The following UBAC2 variants were observed in gnomAD, a reference collection of about 807,000 sequenced individuals.
UBAC2 encodes ubiquitin-associated domain-containing protein 2.
In UBAC2, 26 loss-of-function variants were observed where a neutral mutation model predicts 44.0. The observed-to-expected ratio is 0.59, with a 90% CI of 0.43 to 0.82. UBAC2 has a LOEUF of 0.82. Ranked by LOEUF, UBAC2 falls within the 40% of genes least tolerant of loss-of-function variation. UBAC2 has a pLI of 0.00. For missense variants in UBAC2, 329 were observed against 419.4 expected (o/e 0.78, Z 1.88); for synonymous variants, 155 against 154.3 (o/e 1.00, Z -0.04).
chr13:99,311,194 A>G (rs946584310), intron 4 of UBAC2, among the ~76,000 whole-genome samples: 6 of 152,310 alleles, frequency 3.9e-5, no homozygotes, highest in African/African-American at 1.4e-4. Context: ...CTTCCATTCT[A>G]CTTTTAAGAT....
Position 99,295,642 on chromosome 13 carries a change from G to A in UBAC2, c.390-18455G>A, listed in dbSNP as rs763839031. 4 of 1,614,164 alleles carry A rather than the reference G, an allele frequency of 2.5e-6. No homozygotes were observed. In the Admixed American group the frequency reaches 5.0e-5, roughly 20 times the overall value. ...CAGCCTCCTGCTTTGACATAGGGTT[G>A]ATGAGGAGTGGGAGTGTCTGAGCAA... On this transcript the variant is annotated intron_variant, in intron 4 of 8. Coordinates refer to ENST00000403766, the MANE Select transcript of UBAC2 (RefSeq NM_001144072.2). The surrounding 1 kb of genome is among the most constrained non-coding windows in gnomAD (Gnocchi z 4.1).
At chr13:99,352,545 A>G (rs150683288) in intron 7 of UBAC2, among the ~76,000 whole-genome samples, 7 of 152,270 alleles carry the variant, frequency 4.6e-5, no homozygotes, top group African/African-American at 1.7e-4. Context: ...TGCCTAGTAG[A>G]GCTTTATGTG....
intron 7 of UBAC2, among the ~76,000 whole-genome samples, chr13:99,352,043 A>G (rs139085787): frequency 6.6e-6 from 1 of 152,180 alleles, no homozygotes; most frequent in Admixed American, 6.5e-5. Flanking sequence ...TCCCCCAGCA[A>G]CAGCCATTTG....
chr13:99,348,949 G>A (rs1450253851), intron 7 of UBAC2, among the ~76,000 whole-genome samples: 3 of 152,200 alleles, frequency 2.0e-5, no homozygotes, highest in Admixed American at 2.0e-4. Context: ...GGAGGTCAAG[G>A]TGCAATCACG....
chr13:99,201,666 C>A, intron 1 of UBAC2: 1 of 1,062,104 alleles, frequency 9.4e-7, no homozygotes, highest in Non-Finnish European at 1.4e-6. Flanking sequence ...AACAGTTAGG[C>A]ACGGGTACAG....
intron 4 of UBAC2, among the ~76,000 whole-genome samples, chr13:99,262,709 T>TAAAAAAA (rs1566475347): frequency 6.0e-5 from 1 of 16,590 alleles, no homozygotes; most frequent in Non-Finnish European, 1.3e-4. Context: ...GAACTCCCTC[T>TAAAAAAA]CAAAAAAAAA....
chr13:99,224,155 C>T (rs1238530328), intron 1 of UBAC2, among the ~76,000 whole-genome samples: 3 of 152,112 alleles, frequency 2.0e-5, no homozygotes, highest in Admixed American at 6.6e-5. Context: ...AGGGTTTTGG[C>T]GGGTTTGGTT....
Position 99,329,162 on chromosome 13 carries a change from AC to A in UBAC2, c.561+11094del, listed in dbSNP as rs1594132846. Among the ~76,000 whole-genome samples, 3 of 152,324 alleles carry A rather than the reference AC, an allele frequency of 2.0e-5. No individual in the cohort carries two copies. In the East Asian group the frequency reaches 5.8e-4, roughly 29 times the overall value. ...CCCAGTTATCTATATGTCTGTCCTTACGCCAATACCACACTGCACTGATGAC... is the reference window on the plus strand; with the variant it reads ...CCCAGTTATCTATATGTCTGTCCTTAGCCAATACCACACTGCACTGATGAC... On this transcript the variant is annotated intron_variant, in intron 6 of 8. Coordinates refer to ENST00000403766, the MANE Select transcript of UBAC2 (RefSeq NM_001144072.2).
chr13:99,351,700 T>C (rs1009992215), intron 7 of UBAC2: 5 of 456,628 alleles, frequency 1.1e-5, no homozygotes, highest in Middle Eastern at 3.2e-4. Context: ...AAAATTTCCA[T>C]CTATTTTAGA....
chr13:99,291,437 C>T (rs921088514), intron 4 of UBAC2, among the ~76,000 whole-genome samples: 5 of 152,100 alleles, frequency 3.3e-5, no homozygotes, highest in African/African-American at 1.2e-4. Context: ...CCCAAATAGT[C>T]AGTGAGCAAA....
chr13:99,324,137 A>G (rs1218021256), intron 6 of UBAC2, among the ~76,000 whole-genome samples: 1 of 152,178 alleles, frequency 6.6e-6, no homozygotes, highest in African/African-American at 2.4e-5. Flanking sequence ...TTTTTCTTTA[A>G]CAAACACACA....
intron 4 of UBAC2, among the ~76,000 whole-genome samples, chr13:99,305,758 A>G (rs758111123): frequency 8.5e-5 from 13 of 152,320 alleles, no homozygotes; most frequent in South Asian, 6.2e-4. Context: ...GTGGAGTAGC[A>G]TATTCTTTGT....
At chr13:99,337,437 A>T (rs2044805122) in intron 6 of UBAC2, among the ~76,000 whole-genome samples, 1 of 151,180 alleles carries the variant, frequency 6.6e-6, no homozygotes, top group South Asian at 2.1e-4. Flanking sequence ...CTAACAGTTT[A>T]TTTTTTCTTT....
At chr13:99,264,855 C>T (rs1366090975) in intron 4 of UBAC2, among the ~76,000 whole-genome samples, 2 of 152,028 alleles carry the variant, frequency 1.3e-5, no homozygotes, top group East Asian at 1.9e-4. Context: ...CCTAAGTCCT[C>T]ATCCCAGGGA....
intron 8 of UBAC2, among the ~76,000 whole-genome samples, chr13:99,378,840 C>G (rs915383704): frequency 5.9e-5 from 9 of 152,204 alleles, no homozygotes; most frequent in African/African-American, 2.2e-4. Context: ...GCATGTTGTT[C>G]AAGAAGGTAC....
At chr13:99,381,307 C>T (rs1029374362) in intron 8 of UBAC2, among the ~76,000 whole-genome samples, 1 of 152,184 alleles carries the variant, frequency 6.6e-6, no homozygotes, top group Non-Finnish European at 1.5e-5. Flanking sequence ...GCTCAAGTGC[C>T]AGGTGGAGCT....
intron 4 of UBAC2, among the ~76,000 whole-genome samples, chr13:99,282,320 G>A (rs959523491): frequency 6.6e-6 from 1 of 152,196 alleles, no homozygotes; most frequent in African/African-American, 2.4e-5. Flanking sequence ...CCCTTGAGGA[G>A]CTCATGACCT....
intron 6 of UBAC2, among the ~76,000 whole-genome samples, chr13:99,324,141 A>G (rs141202447): frequency 2.0e-5 from 3 of 152,304 alleles, no homozygotes; most frequent in Non-Finnish European, 4.4e-5. Context: ...TCTTTAACAA[A>G]CACACAGCAC....
intron 4 of UBAC2, among the ~76,000 whole-genome samples, chr13:99,288,032 CATG>C (rs2044042470): frequency 6.6e-6 from 1 of 152,156 alleles, no homozygotes; most frequent in Non-Finnish European, 1.5e-5. Flanking sequence ...TTTGATACTT[CATG>C]CCAGGACTTG....
Sources: allele counts gnomAD v4.1 joint callset (sites outside exome capture counted in the v4.1 genomes callset), GRCh38; gene constraint gnomAD v4.1.1; non-coding constraint Gnocchi (gnomAD v3.1); transcripts MANE v1.5; gene names NCBI Gene and HGNC (gene_info 2026-07-23, HGNC 2026-07-21).